Variants in MFHAS1 observed in about 807,000 individuals in gnomAD.
The protein encoded by MFHAS1 is multifunctional ROCO family signaling regulator 1.
A neutral mutation model predicts 70.4 loss-of-function variants in MFHAS1; 50 were observed. The ratio of observed to expected loss-of-function variants is 0.71; its 90% CI spans 0.57 to 0.90. The LOEUF (loss-of-function observed/expected upper bound fraction) is 0.90, where lower values mean the gene tolerates loss of function less well. Among genes scored for constraint, MFHAS1 ranks in the 40% least tolerant of loss-of-function variants. MFHAS1 has a pLI of 0.00. For missense variants in MFHAS1, 1,795 were observed against 1,347.6 expected (o/e 1.33, Z -5.20); for synonymous variants, 952 against 620.0 (o/e 1.54, Z -7.96).
Position 8,891,120 on chromosome 8 carries a change from C to G in MFHAS1, c.1939G>C (p.Glu647Gln), listed in dbSNP as rs746099046. Residue 647 changes from glutamate (E) to glutamine (Q), a missense_variant, in exon 1 of 3, where the codon GAG (glutamate) becomes CAG (glutamine). By Grantham distance (29) the Glu-to-Gln change is conservative. Coordinates refer to ENST00000276282, the MANE Select transcript of MFHAS1 (RefSeq NM_004225.3). The surrounding 1 kb of genome is among the most constrained non-coding windows in gnomAD (Gnocchi z 5.4). ...RLRDKLLSVA[E>Q]HREIFPNLHR... ...AAGTTGGGGAAGATCTCTCGGTGCTCAGCAACTGACAGCAACTTGTCCCGA... is the reference window on the plus strand; with the variant it reads ...AAGTTGGGGAAGATCTCTCGGTGCTGAGCAACTGACAGCAACTTGTCCCGA... 6.2e-7 allele frequency: 1 copy of G among 1,613,800 alleles called. No homozygotes were observed. The highest frequency in any genetic ancestry group is 8.5e-7 in the Non-Finnish European group (1 of 1,180,026).
intron 2 of MFHAS1, among the ~76,000 whole-genome samples, chr8:8,795,198 G>C (rs572096516): frequency 4.0e-5 from 6 of 151,610 alleles, no homozygotes; most frequent in African/African-American, 1.2e-4. Flanking sequence ...AAGAACTTGC[G>C]GGGTATTAAA....
chr8:8,832,274 A>G (rs1807427307), intron 1 of MFHAS1, among the ~76,000 whole-genome samples: 1 of 152,184 alleles, frequency 6.6e-6, no homozygotes, highest in Admixed American at 6.5e-5. Context: ...GAAGAAAATG[A>G]AAAAGCAAGC....
intron 1 of MFHAS1, among the ~76,000 whole-genome samples, chr8:8,805,509 C>G (rs116952261): frequency 0.012 from 1,783 of 152,124 alleles, 14 homozygotes; most frequent in Non-Finnish European, 0.017. Context: ...TCTTCCTCAT[C>G]ATTGTCTGTT....
intron 1 of MFHAS1, among the ~76,000 whole-genome samples, chr8:8,824,218 T>G (rs1807069840): frequency 1.3e-5 from 2 of 151,892 alleles, no homozygotes; most frequent in Admixed American, 1.3e-4. Context: ...TCAGGGGCTC[T>G]GCGGGGAGCA....
chr8:8,802,718 C>A (rs1806123610), intron 1 of MFHAS1, among the ~76,000 whole-genome samples: 1 of 152,164 alleles, frequency 6.6e-6, no homozygotes. Flanking sequence ...AGCTAGCAGG[C>A]AGGGGACTGT....
At chr8:8,806,924 G>GC (rs1454665204) in intron 1 of MFHAS1, among the ~76,000 whole-genome samples, 1 of 151,858 alleles carries the variant, frequency 6.6e-6, no homozygotes, top group East Asian at 1.9e-4. Flanking sequence ...TTGTGCCACT[G>GC]CACTACAGCC....
chr8:8,830,042 G>A (rs1373840114), intron 1 of MFHAS1, among the ~76,000 whole-genome samples: 3 of 152,140 alleles, frequency 2.0e-5, no homozygotes, highest in African/African-American at 4.8e-5. Context: ...ATTCTCCCAG[G>A]GGAGGTCGAA....
intron 1 of MFHAS1, among the ~76,000 whole-genome samples, chr8:8,881,691 A>G (rs941693290): frequency 3.9e-5 from 6 of 152,032 alleles, no homozygotes. Flanking sequence ...AAAATTAGTC[A>G]GGCGTGGTGG....
At position 8,865,539 on chromosome 8, in the gene MFHAS1, G is replaced by A. The variant is rs532196590; in HGVS notation, c.2998+24522C>T. 2.6e-5 allele frequency among the ~76,000 whole-genome samples: 4 copies of A among 152,278 alleles called. No individual in the cohort carries two copies. The South Asian group carries it at 8.3e-4, about 32-fold the overall frequency. On this transcript the variant is annotated intron_variant, in intron 1 of 2. Transcript: ENST00000276282. ...GGACCCCTCCCAGGACAGCCCTGGT[G>A]AAGTGGAATCACATAGAAAAGCAAC...
At chr8:8,792,600 C>T (rs1312396340) in intron 2 of MFHAS1, among the ~76,000 whole-genome samples, 2 of 152,044 alleles carry the variant, frequency 1.3e-5, no homozygotes, top group African/African-American at 4.8e-5. Flanking sequence ...AGTGAGACTT[C>T]ATCTCAAAAA....
intron 1 of MFHAS1, among the ~76,000 whole-genome samples, chr8:8,822,289 C>A (rs1372732417): frequency 6.6e-6 from 1 of 152,184 alleles, no homozygotes; most frequent in Non-Finnish European, 1.5e-5. Flanking sequence ...TGCGCAGCTG[C>A]AGAGCAAGCT....
Position 8,786,074 on chromosome 8 carries a change from A to C in MFHAS1, c.3126-19T>G. 1 of 1,612,638 alleles carries C rather than the reference A, an allele frequency of 6.2e-7. No individual in the cohort carries two copies. The highest frequency in any genetic ancestry group is 8.5e-7 in the Non-Finnish European group (1 of 1,178,588). On this transcript the variant is annotated intron_variant, in intron 2 of 2. Transcript: ENST00000276282. ...ATTCTTCCTGTATGGGTGGACAACA[A>C]GAAAGCACAGAGATGACAAAAACGT...
chr8:8,865,153 T>C (rs956197022), intron 1 of MFHAS1, among the ~76,000 whole-genome samples: 1 of 151,712 alleles, frequency 6.6e-6, no homozygotes, highest in Middle Eastern at 3.2e-3. Flanking sequence ...GGCATGCACC[T>C]GTAATCCCAG....
At chr8:8,870,000 T>A (rs751593900) in intron 1 of MFHAS1, among the ~76,000 whole-genome samples, 45 of 152,138 alleles carry the variant, frequency 3.0e-4, no homozygotes, top group Non-Finnish European at 4.6e-4. Flanking sequence ...CTGCCCTGAG[T>A]GTGCTGACAA....
chr8:8,814,003 A>G (rs530731908), intron 1 of MFHAS1, among the ~76,000 whole-genome samples: 1 of 149,608 alleles, frequency 6.7e-6, no homozygotes, highest in Admixed American at 6.7e-5. Flanking sequence ...CAGGGGCATG[A>G]TCTCGGTCAC....
At chr8:8,805,873 T>C (rs1038359654) in intron 1 of MFHAS1, among the ~76,000 whole-genome samples, 1 of 152,204 alleles carries the variant, frequency 6.6e-6, no homozygotes, top group Non-Finnish European at 1.5e-5. Flanking sequence ...AATTTTTGTA[T>C]TTTTAGTAGA....
intron 1 of MFHAS1, among the ~76,000 whole-genome samples, chr8:8,835,720 A>G (rs1807571693): frequency 6.6e-6 from 1 of 152,238 alleles, no homozygotes; most frequent in African/African-American, 2.4e-5. Flanking sequence ...ACTGGGTAAG[A>G]GTATTTGGGA....
intron 1 of MFHAS1, among the ~76,000 whole-genome samples, chr8:8,889,118 A>C (rs1489517756): frequency 6.6e-6 from 1 of 152,130 alleles, no homozygotes; most frequent in Non-Finnish European, 1.5e-5. Context: ...AAACGAAAAA[A>C]AAGTCTACTG....
At chr8:8,885,286 G>C (rs550649227) in intron 1 of MFHAS1, among the ~76,000 whole-genome samples, 2 of 146,860 alleles carry the variant, frequency 1.4e-5, no homozygotes, top group Admixed American at 6.7e-5. Context: ...ACTGATTTGG[G>C]TTGCTTTCTC....
Sources: allele counts gnomAD v4.1 joint callset (sites outside exome capture counted in the v4.1 genomes callset), GRCh38; gene constraint gnomAD v4.1.1; non-coding constraint Gnocchi (gnomAD v3.1); transcripts MANE v1.5; gene names NCBI Gene and HGNC (gene_info 2026-07-23, HGNC 2026-07-21).